PACRG: variants seen among roughly 807,000 people sequenced by gnomAD.
PACRG encodes the protein parkin coregulated, also known as parkin coregulated gene protein.
PACRG carries 29 observed loss-of-function variants against 29.7 expected under a neutral mutation model. The ratio of observed to expected loss-of-function variants is 0.98; its 90% CI spans 0.73 to 1.33. The LOEUF (loss-of-function observed/expected upper bound fraction) is 1.33, where lower values mean the gene tolerates loss of function less well. Ranked by LOEUF, PACRG falls within the 40% of genes most tolerant of loss-of-function variation. PACRG has a pLI of 0.00. For synonymous variants in PACRG, 116 were observed against 118.7 expected, an observed-to-expected ratio of 0.98 and a Z score of 0.15; for missense variants, 279 against 316.2, an observed-to-expected ratio of 0.88 and a Z score of 0.89.
At chr6:163,068,610 G>A (rs1481028387) in intron 3 of PACRG, among the ~76,000 whole-genome samples, 1 of 151,410 alleles carries the variant, frequency 6.6e-6, no homozygotes, top group African/African-American at 2.4e-5. Flanking sequence ...GTTTTCTGAT[G>A]TAATTCCAGC....
At chr6:163,189,725 G>A (rs887387887) in intron 4 of PACRG, 1 of 152,228 alleles carries the variant, frequency 6.6e-6, no homozygotes, top group African/African-American at 2.4e-5. Flanking sequence ...TTTTGTGAAA[G>A]TGTACTTAAA....
At chr6:163,157,840 T>C (rs999250470) in intron 4 of PACRG, among the ~76,000 whole-genome samples, 1 of 152,300 alleles carries the variant, frequency 6.6e-6, no homozygotes, top group South Asian at 2.1e-4. Context: ...TCTTGAGTGT[T>C]CAATAACACT....
intron 4 of PACRG, chr6:163,101,133 CA>C: frequency 1.0e-6 from 1 of 983,206 alleles, no homozygotes; most frequent in African/African-American, 1.7e-5. Flanking sequence ...TTTTGCATAC[CA>C]ATTACAACTC....
Position 163,315,100 on chromosome 6 carries a change from T to A in PACRG, c.*113T>A. On this transcript the variant is annotated 3_prime_UTR_variant, in exon 5 of 5. Transcript: ENST00000366888. ...CCACAGCTTTCTTTTCTACAGCTGC[T>A]AAAATAGTGGCTTATGGGCCATTGG... 7.7e-7 allele frequency: 1 copy of A among 1,291,712 alleles called. No homozygotes were observed. Among genetic ancestry groups the A allele is most frequent in the Non-Finnish European group, 1.1e-6 (1 of 935,170 alleles). The allele number at this position is 1,291,712 out of a possible 1,614,324, so 80.0% of individuals were successfully genotyped here.
In PACRG at chr6:162,728,313, A is replaced by G. The variant is rs80012280; in HGVS notation, c.78A>G (p.Gln26=). 8.1e-6 allele frequency: 13 copies of G among 1,613,320 alleles called. No homozygotes were observed. The highest frequency in any genetic ancestry group is 1.1e-5 in the Non-Finnish European group (13 of 1,179,784). The part of the protein sequence containing the change: ...KMPKRTKLLA[Q]QPLPVHQPHS... Reference sequence around the variant, plus strand: ...CGAAGAGGACCAAGCTGCTGGCACAACAGCCGCTCCCGGTGCACCAGCCTC... The same window carrying G: ...CGAAGAGGACCAAGCTGCTGGCACAGCAGCCGCTCCCGGTGCACCAGCCTC... Residue 26 remains glutamine (Q), a synonymous_variant, in exon 1 of 5, where the codon CAA becomes CAG. Coordinates refer to ENST00000366888, the MANE Select transcript of PACRG (RefSeq NM_001080379.2).
chr6:163,241,476 T>C (rs1191199007), intron 4 of PACRG, among the ~76,000 whole-genome samples: 1 of 152,208 alleles, frequency 6.6e-6, no homozygotes, highest in African/African-American at 2.4e-5. Flanking sequence ...TCTTGGGAGA[T>C]GTGGCCCAGG....
chr6:163,146,972 C>T (rs530722229), intron 4 of PACRG, among the ~76,000 whole-genome samples: 1 of 152,226 alleles, frequency 6.6e-6, no homozygotes, highest in Non-Finnish European at 1.5e-5. Flanking sequence ...CATGCTTCTA[C>T]ATTGCTCATC....
chr6:163,212,618 C>T (rs1781194372), intron 4 of PACRG, among the ~76,000 whole-genome samples: 1 of 151,920 alleles, frequency 6.6e-6, no homozygotes, highest in Non-Finnish European at 1.5e-5. Flanking sequence ...GGCTATAACC[C>T]ATAGACTACA....
At chr6:162,984,676 T>C (rs942463798) in intron 2 of PACRG, among the ~76,000 whole-genome samples, 6 of 151,930 alleles carry the variant, frequency 3.9e-5, no homozygotes, top group Non-Finnish European at 8.8e-5. Flanking sequence ...CATGCCAACA[T>C]CTAGTATTTT....
intron 2 of PACRG, among the ~76,000 whole-genome samples, chr6:162,863,685 A>G (rs1284127218): frequency 1.3e-5 from 2 of 152,218 alleles, no homozygotes; most frequent in Non-Finnish European, 2.9e-5. Context: ...TTATTTCATT[A>G]AATCCTTAAA....
chr6:162,775,193 C>T (rs6936932), intron 1 of PACRG, among the ~76,000 whole-genome samples: 41,039 of 152,004 alleles, frequency 0.27, 6,247 homozygotes, highest in East Asian at 0.47. Context: ...AAAGTGGACC[C>T]GCAGCAGACA....
intron 4 of PACRG, among the ~76,000 whole-genome samples, chr6:163,140,432 GGA>G (rs1817107287): frequency 1.3e-5 from 2 of 152,092 alleles, no homozygotes. Context: ...AGGCCAGAGT[GGA>G]GTCTTTCACT....
intron 2 of PACRG, among the ~76,000 whole-genome samples, chr6:162,844,601 G>A (rs1383459057): frequency 6.6e-6 from 1 of 152,188 alleles, no homozygotes; most frequent in Non-Finnish European, 1.5e-5. Flanking sequence ...TGTTCCTATT[G>A]CGCCATCTTG....
chr6:163,232,665 G>C (rs529050023), intron 4 of PACRG, among the ~76,000 whole-genome samples: 22 of 152,294 alleles, frequency 1.4e-4, no homozygotes, highest in African/African-American at 4.1e-4. Context: ...AAGGTCAACA[G>C]GTTCCTGTGG....
chr6:162,864,753 G>A (rs1260835511), intron 2 of PACRG, among the ~76,000 whole-genome samples: 1 of 152,070 alleles, frequency 6.6e-6, no homozygotes, highest in Non-Finnish European at 1.5e-5. Context: ...ATCATTTCTG[G>A]TAAAGACTTC....
chr6:162,868,600 G>T (rs1269983382), intron 2 of PACRG, among the ~76,000 whole-genome samples: 1 of 152,084 alleles, frequency 6.6e-6, no homozygotes, highest in Non-Finnish European at 1.5e-5. Context: ...TTCCAGCCCC[G>T]CCCCATGCAG....
At chr6:163,177,839 T>C (rs779035962) in intron 4 of PACRG, among the ~76,000 whole-genome samples, 5 of 143,044 alleles carry the variant, frequency 3.5e-5, no homozygotes, top group Admixed American at 7.5e-5. Flanking sequence ...ACAGCACACA[T>C]GCTTCCAAAC....
chr6:163,232,154 A>T (rs943005318), intron 4 of PACRG, among the ~76,000 whole-genome samples: 1 of 152,236 alleles, frequency 6.6e-6, no homozygotes, highest in Non-Finnish European at 1.5e-5. Flanking sequence ...GGCTGAGGTG[A>T]GTGCCTCAGG....
chr6:162,975,649 C>T (rs535494904), intron 2 of PACRG, among the ~76,000 whole-genome samples: 20 of 152,270 alleles, frequency 1.3e-4, no homozygotes, highest in Non-Finnish European at 2.6e-4. Context: ...CCCAATTCTG[C>T]TTCACAACTT....
Sources: allele counts gnomAD v4.1 joint callset (sites outside exome capture counted in the v4.1 genomes callset), GRCh38; gene constraint gnomAD v4.1.1; transcripts MANE v1.5; gene names NCBI Gene and HGNC (gene_info 2026-07-23, HGNC 2026-07-21).